TRERF1: variants seen among roughly 807,000 people sequenced by gnomAD.
The protein encoded by TRERF1 is transcriptional regulating factor 1, also known as transcriptional-regulating factor 1.
TRERF1 carries 27 observed loss-of-function variants against 122.9 expected under a neutral mutation model. The ratio of observed to expected loss-of-function variants is 0.22; its 90% CI spans 0.16 to 0.30. TRERF1 has a LOEUF of 0.30. Among genes scored for constraint, TRERF1 ranks in the 10% least tolerant of loss-of-function variants. The pLI is 1.00. For missense variants in TRERF1, 1,248 were observed against 1,560.3 expected, an observed-to-expected ratio of 0.80 and a Z score of 3.37; for synonymous variants, 636 against 641.7, an observed-to-expected ratio of 0.99 and a Z score of 0.13.
rs192779314 is a variant in TRERF1 at position 42,373,994 on chromosome 6, G to A, written c.-453-10915C>T. On this transcript the variant is annotated intron_variant, in intron 2 of 17. Transcript: ENST00000372922. ...CTAAAAATACAAAAATTAGCTGGGC[G>A]TGGTGGCACGTGCTTGTAATCCCAG... Among the ~76,000 whole-genome samples, 62 of 151,840 alleles carry A rather than the reference G, an allele frequency of 4.1e-4. No homozygotes were observed. The East Asian group carries it at 0.011, about 28-fold the overall frequency.
chr6:42,367,311 A>G lies in TRERF1; in HGVS notation c.-453-4232T>C, dbSNP rs150481271. Among the ~76,000 whole-genome samples the G allele has an allele frequency of 5.1e-3, 783 of 152,226 alleles. 10 individuals carry two copies. Among genetic ancestry groups the G allele is most frequent in the African/African-American group, 0.018 (753 of 41,520 alleles). On this transcript the variant is annotated intron_variant, in intron 2 of 17. Transcript: ENST00000372922. ...TTTCCCAGCAAGAAGGTTTGCAAAG[A>G]AGGATGGCAGAAGTCCGCAAAGAAA... is the stretch of plus-strand genomic sequence containing the variant.
At position 42,275,489 on chromosome 6, in the gene TRERF1, C is replaced by T. The variant is rs1268833021; in HGVS notation, c.-258-5641G>A. 1.3e-5 allele frequency among the ~76,000 whole-genome samples: 2 copies of T among 152,250 alleles called. No individual in the cohort carries two copies. The highest frequency in any genetic ancestry group is 4.8e-5 in the African/African-American group (2 of 41,466). On this transcript the variant is annotated intron_variant, in intron 4 of 17. Coordinates refer to ENST00000372922, the Ensembl canonical transcript of TRERF1. This position sits in a 1 kb window ranked among gnomAD's most constrained non-coding sequence, Gnocchi z 4.1. ...CACTGACCATGTCACAGTCAGGCGA[C>T]CCACTTCCGTGCCTGTCTGCACACT...
At chr6:42,320,085 G>C (rs1214121260) in intron 3 of TRERF1, among the ~76,000 whole-genome samples, 3 of 151,908 alleles carry the variant, frequency 2.0e-5, no homozygotes, top group Non-Finnish European at 2.9e-5. Context: ...TATTTTAGTA[G>C]AGATGGGGTT....
chr6:42,265,628 T>G (rs1779008006), intron 6 of TRERF1, 123 bp downstream of exon 6: 1 of 1,068,902 alleles, frequency 9.4e-7, no homozygotes, highest in Non-Finnish European at 1.4e-6. Flanking sequence ...ACACAACAGC[T>G]GCTATTATTA....
intron 2 of TRERF1, among the ~76,000 whole-genome samples, chr6:42,431,070 A>C (rs975887239): frequency 6.6e-6 from 1 of 151,866 alleles, no homozygotes; most frequent in African/African-American, 2.4e-5. Context: ...AAAAAAAAAA[A>C]AAAAGAAAAG....
chr6:42,237,922 T>C (rs148352465), intron 15 of TRERF1, among the ~76,000 whole-genome samples: 64 of 152,336 alleles, frequency 4.2e-4, no homozygotes, highest in Middle Eastern at 3.4e-3. Context: ...AAGAAATGGC[T>C]TCAGTTTCCA....
intron 6 of TRERF1, among the ~76,000 whole-genome samples, chr6:42,265,417 T>C (rs762058757): frequency 6.6e-6 from 1 of 152,228 alleles, no homozygotes; most frequent in Non-Finnish European, 1.5e-5. Context: ...AACATGGGCT[T>C]TGCAGTCAAT....
intron 2 of TRERF1, among the ~76,000 whole-genome samples, chr6:42,372,758 A>C (rs1773993757): frequency 6.6e-6 from 1 of 152,212 alleles, no homozygotes; most frequent in Non-Finnish European, 1.5e-5. Context: ...TGGGTCTCAA[A>C]AAATGGGTTC....
chr6:42,429,421 G>A (rs551173082), intron 2 of TRERF1, among the ~76,000 whole-genome samples: 3 of 152,184 alleles, frequency 2.0e-5, no homozygotes, highest in African/African-American at 7.2e-5. Context: ...AACCACGGAG[G>A]GGGGGAAATG....
intron 3 of TRERF1, among the ~76,000 whole-genome samples, chr6:42,309,517 T>C (rs1033729713): frequency 1.1e-4 from 17 of 152,228 alleles, no homozygotes; most frequent in African/African-American, 3.6e-4. Context: ...ATGCTCTTTA[T>C]GTCCCAGGCT....
At chr6:42,426,357 C>A (rs1783632272) in intron 2 of TRERF1, among the ~76,000 whole-genome samples, 1 of 152,160 alleles carries the variant, frequency 6.6e-6, no homozygotes, top group Non-Finnish European at 1.5e-5. Context: ...ATAGTACCTA[C>A]ATGCCAAATG....
intron 2 of TRERF1, among the ~76,000 whole-genome samples, chr6:42,418,218 CTTTTTTTT>C (rs34388801): frequency 2.9e-5 from 1 of 34,656 alleles, no homozygotes; most frequent in Non-Finnish European, 5.0e-5. Context: ...TTTTTCTTTC[CTTTTTTTT>C]TTTTTTTTTT....
chr6:42,279,753 C>T (rs532024338), intron 4 of TRERF1, among the ~76,000 whole-genome samples: 1 of 152,226 alleles, frequency 6.6e-6, no homozygotes, highest in East Asian at 1.9e-4. Flanking sequence ...ACAGACTCTC[C>T]AGGCCTGTGT....
chr6:42,226,944 CTG>C (rs1425209592), exon 18 of TRERF1: 1 of 152,262 alleles, frequency 6.6e-6, no homozygotes, highest in African/African-American at 2.4e-5. Context: ...AGGATCCTCT[CTG>C]TACTGGCGCT....
At chr6:42,376,141 A>AC (rs1475183447) in intron 2 of TRERF1, among the ~76,000 whole-genome samples, 1 of 152,152 alleles carries the variant, frequency 6.6e-6, no homozygotes, top group African/African-American at 2.4e-5. Flanking sequence ...GGGCCTGGCC[A>AC]CCCCCAGTTC....
At chr6:42,378,682 C>G (rs1247141350) in intron 2 of TRERF1, among the ~76,000 whole-genome samples, 1 of 152,150 alleles carries the variant, frequency 6.6e-6, no homozygotes, top group Admixed American at 6.5e-5. Flanking sequence ...TAGTCCAATT[C>G]TTATTTTATA....
At chr6:42,237,366 C>G (rs1486875345) in intron 15 of TRERF1, among the ~76,000 whole-genome samples, 1 of 152,212 alleles carries the variant, frequency 6.6e-6, no homozygotes, top group African/African-American at 2.4e-5. Flanking sequence ...CTGCTCTCTC[C>G]AACCTTCCCA....
At chr6:42,272,173 T>C (rs1045705135) in intron 4 of TRERF1, among the ~76,000 whole-genome samples, 1 of 152,258 alleles carries the variant, frequency 6.6e-6, no homozygotes, top group Non-Finnish European at 1.5e-5. Context: ...CAAAGAGTTT[T>C]AAAAGATTCT....
In TRERF1 at chr6:42,232,111, G is replaced by A. The variant is rs1393587441; in HGVS notation, c.3278+570C>T. 1.3e-5 allele frequency among the ~76,000 whole-genome samples: 2 copies of A among 152,138 alleles called. No homozygotes were observed. Among genetic ancestry groups the A allele is most frequent in the Non-Finnish European group, 2.9e-5 (2 of 68,026 alleles). ...CCTAAAAGGGGAGGATAACAAATAG[G>A]TTTTATTTCATGTGTCAACTCTGAT... On this transcript the variant is annotated intron_variant, in intron 17 of 17. Transcript: ENST00000372922. This position sits in a 1 kb window ranked among gnomAD's most constrained non-coding sequence, Gnocchi z 4.5.
Sources: gnomAD v4.1 joint callset for allele counts (sites outside exome capture counted in the v4.1 genomes callset) on GRCh38, gnomAD v4.1.1 for gene constraint, Gnocchi (gnomAD v3.1) non-coding constraint, MANE v1.5 for transcripts, NCBI Gene and HGNC (gene_info 2026-07-23, HGNC 2026-07-21) for gene names.